The following ZNF610 variants were observed in gnomAD, a reference collection of about 807,000 sequenced individuals.
ZNF610 encodes the protein zinc finger protein 610.
A neutral mutation model predicts 14.1 loss-of-function variants in ZNF610; 14 were observed. The observed-to-expected ratio is 0.99, with a 90% CI of 0.65 to 1.55. ZNF610 has a LOEUF of 1.55. ZNF610 is among the 40% of genes most tolerant of loss of function. The probability of loss-of-function intolerance (pLI) is 0.00; values close to 1 mark genes in which losing one functional copy is unlikely to be tolerated. For missense variants in ZNF610, 530 were observed against 558.0 expected, an observed-to-expected ratio of 0.95 and a Z score of 0.51; for synonymous variants, 185 against 187.6, an observed-to-expected ratio of 0.99 and a Z score of 0.11.
At position 52,366,030 on chromosome 19, in the gene ZNF610, A is replaced by G. The variant is rs766563071; in HGVS notation, c.652A>G (p.Ser218Gly). 4 of 1,614,012 alleles carry G rather than the reference A, an allele frequency of 2.5e-6. No individual in the cohort carries two copies. The highest frequency in any genetic ancestry group is 3.4e-6 in the Non-Finnish European group (4 of 1,180,020). Residue 218 changes from serine (S) to glycine (G), a missense_variant, in exon 6 of 6, where the codon AGC (serine) becomes GGC (glycine). By Grantham distance (56) the Ser-to-Gly change is moderately conservative. Transcript: ENST00000403906. ...TGGTGAAGTTTTTAGAGTCCGTGCA[A>G]GCCTTACTAACCATCAAGTAATCCA... Reference protein sequence around the residue: ...EDGEVFRVRASLTNHQVIHTA... With the variant: ...EDGEVFRVRAGLTNHQVIHTA...
chr19:52,351,553 T>C (rs898067595), intron 3 of ZNF610, among the ~76,000 whole-genome samples: 8 of 152,036 alleles, frequency 5.3e-5, no homozygotes, highest in African/African-American at 1.9e-4. Flanking sequence ...GAGGAGTCTC[T>C]GGAGGTCCTG....
chr19:52,338,919 ACCCGCGCCGG>A (rs1984516609), intron 1 of ZNF610, among the ~76,000 whole-genome samples: 1 of 151,214 alleles, frequency 6.6e-6, no homozygotes, highest in African/African-American at 2.4e-5. Context: ...CATACGGAGG[ACCCGCGCCGG>A]CCCGGTCTCT....
At chr19:52,330,763 T>C in the ZNF610 span, among the ~76,000 whole-genome samples, 7 of 152,154 alleles carry the variant, frequency 4.6e-5, no homozygotes, top group Non-Finnish European at 1.0e-4. Context: ...AATCTAACTT[T>C]TTCCTGACTC....
At chr19:52,343,263 A>T (rs191609464) in intron 1 of ZNF610, among the ~76,000 whole-genome samples, 53 of 152,284 alleles carry the variant, frequency 3.5e-4, no homozygotes, top group Non-Finnish European at 6.5e-4. Context: ...AATAAATCAC[A>T]TGTTTACTTA....
chr19:52,345,652 T>G (rs1342367160), intron 1 of ZNF610: 1 of 152,110 alleles, frequency 6.6e-6, no homozygotes, highest in Non-Finnish European at 1.5e-5. Flanking sequence ...TCTTAAAAAG[T>G]TTGAAAACAT....
At chr19:52,352,053 C>T (rs1985282235) in intron 3 of ZNF610, among the ~76,000 whole-genome samples, 1 of 152,144 alleles carries the variant, frequency 6.6e-6, no homozygotes, top group Non-Finnish European at 1.5e-5. Flanking sequence ...ACAGAAAGGT[C>T]TGTGGCTTCG....
chr19:52,349,139 A>G lies in ZNF610; in HGVS notation c.-19-15A>G, dbSNP rs200433397. The G allele has an allele frequency of 3.8e-5, 61 of 1,598,582 alleles. No individual in the cohort carries two copies. Among genetic ancestry groups the G allele is most frequent in the Admixed American group, 8.4e-5 (5 of 59,664 alleles). ...GTTGATTCCGAGCAGTAATCAGTGT[A>G]TTTTTGACATTTAGGATTGACTTAT... On this transcript the variant is annotated splice_polypyrimidine_tract_variant and intron_variant, in intron 2 of 5. Coordinates refer to ENST00000403906, the MANE Select transcript of ZNF610 (RefSeq NM_001161425.2).
chr19:52,361,318 A>G (rs77129441), intron 5 of ZNF610, among the ~76,000 whole-genome samples: 26,956 of 151,680 alleles, frequency 0.18, 2,676 homozygotes, highest in East Asian at 0.25. Context: ...AGCTGGGATT[A>G]CAGGCGTGCA....
At chr19:52,354,901 G>A (rs1985455127) in intron 5 of ZNF610, among the ~76,000 whole-genome samples, 1 of 152,104 alleles carries the variant, frequency 6.6e-6, no homozygotes, top group Admixed American at 6.6e-5. Context: ...TCAAGAGTGT[G>A]TGGGAAACTC....
At chr19:52,352,960 CG>C (rs1985329871) in intron 3 of ZNF610, among the ~76,000 whole-genome samples, 1 of 151,882 alleles carries the variant, frequency 6.6e-6, no homozygotes, top group African/African-American at 2.4e-5. Context: ...TTTTTTGAGA[CG>C]GAGTCTTGCT....
At chr19:52,339,020 G>A (rs1053889618) in intron 1 of ZNF610, among the ~76,000 whole-genome samples, 1 of 151,948 alleles carries the variant, frequency 6.6e-6, no homozygotes, top group African/African-American at 2.4e-5. Context: ...ATAGTGGGGA[G>A]AGGGTCAGCA....
intron 5 of ZNF610, among the ~76,000 whole-genome samples, chr19:52,359,840 C>G (rs1985696968): frequency 6.6e-6 from 1 of 152,190 alleles, no homozygotes; most frequent in African/African-American, 2.4e-5. Flanking sequence ...TCTAGAACTT[C>G]TGACCAACTA....
At chr19:52,341,653 G>T (rs1365062323) in intron 1 of ZNF610, among the ~76,000 whole-genome samples, 1 of 150,932 alleles carries the variant, frequency 6.6e-6, no homozygotes, top group Non-Finnish European at 1.5e-5. Flanking sequence ...AAGGGACGGG[G>T]CCTCACTCTA....
chr19:52,345,951 G>T (rs1042742976), intron 1 of ZNF610, among the ~76,000 whole-genome samples: 1 of 150,506 alleles, frequency 6.6e-6, no homozygotes, highest in East Asian at 2.0e-4. Flanking sequence ...TGATCCACCC[G>T]CCTTGACCTC....
upstream of ZNF610, among the ~76,000 whole-genome samples, chr19:52,334,959 A>AC (rs60779202): frequency 0.7 from 101,644 of 146,150 alleles, 36,342 homozygotes; most frequent in African/African-American, 0.84. Context: ...ACACACACAC[A>AC]ATGTAATTTA....
rs1233395004 is a variant in ZNF610 at position 52,366,834 on chromosome 19, TACAA to T, written c.*69_*72del. On this transcript the variant is annotated 3_prime_UTR_variant, in exon 6 of 6. Transcript: ENST00000403906. ...ATTGGAGGACTCAGGAGAAAAACCT[TACAA>T]ATATCATAAATGTGGCAAAGAATTT... 4.7e-6 allele frequency: 6 copies of T among 1,268,030 alleles called. No homozygotes were observed. The highest frequency in any genetic ancestry group is 6.6e-6 in the Non-Finnish European group (6 of 909,136). The allele number at this position is 1,268,030 out of a possible 1,614,324, so 78.5% of individuals were successfully genotyped here.
In ZNF610 at chr19:52,352,327, C is replaced by G. The variant is rs1335751672; in HGVS notation, c.64-1355C>G. On this transcript the variant is annotated intron_variant, in intron 3 of 5. Coordinates refer to ENST00000403906, the MANE Select transcript of ZNF610 (RefSeq NM_001161425.2). ...GATCTCGGCTCACTGCAACCTCTGT[C>G]TCGCAGGTTCAAGCAATTCTGCTGC... 2.0e-5 allele frequency among the ~76,000 whole-genome samples: 3 copies of G among 152,198 alleles called. No homozygotes were observed. In the East Asian group the frequency reaches 5.8e-4, roughly 29 times the overall value.
chr19:52,365,294 C>T (rs1985966962), intron 5 of ZNF610, among the ~76,000 whole-genome samples: 1 of 151,844 alleles, frequency 6.6e-6, no homozygotes, highest in South Asian at 2.1e-4. Context: ...TCCCAATTAG[C>T]CTGTTGTAAA....
chr19:52,365,390 T>C (rs1985970989), intron 5 of ZNF610, among the ~76,000 whole-genome samples: 1 of 152,208 alleles, frequency 6.6e-6, no homozygotes, highest in African/African-American at 2.4e-5. Flanking sequence ...ATACAACTGC[T>C]CTTAAATGTC....
Sources: gnomAD v4.1 joint callset for allele counts (sites outside exome capture counted in the v4.1 genomes callset) on GRCh38, gnomAD v4.1.1 for gene constraint, MANE v1.5 for transcripts, NCBI Gene and HGNC (gene_info 2026-07-23, HGNC 2026-07-21) for gene names.